QPCT: variants seen among roughly 807,000 people sequenced by gnomAD.
QPCT encodes the protein EC.
In QPCT, 44 loss-of-function variants were observed where a neutral mutation model predicts 43.4. That is an observed-to-expected ratio of 1.01 (90% confidence interval 0.80 to 1.30). The LOEUF is 1.30. Ranked by LOEUF, QPCT falls within the 50% of genes most tolerant of loss-of-function variation. The pLI is 0.00. For missense variants in QPCT, 526 were observed against 436.5 expected (o/e 1.21, Z -1.83); for synonymous variants, 168 against 168.4 (o/e 1.00, Z 0.02).
chr2:37,352,953 A>G lies in QPCT; in HGVS notation c.267+18A>G. Reference sequence around the variant, plus strand: ...CTCGTCAGGTGAGAACATGGGACACAAACCTCAAGCTTGTGTGAATACTGT... The same window carrying G: ...CTCGTCAGGTGAGAACATGGGACACGAACCTCAAGCTTGTGTGAATACTGT... On this transcript the variant is annotated intron_variant, in intron 2 of 6. Coordinates refer to ENST00000338415, the MANE Select transcript of QPCT (RefSeq NM_012413.4). The G allele has an allele frequency of 1.2e-6, 2 of 1,607,120 alleles. No homozygotes were observed. Among genetic ancestry groups the G allele is most frequent in the Non-Finnish European group, 1.7e-6 (2 of 1,174,678 alleles).
At position 37,369,636 on chromosome 2, in the gene QPCT, T is replaced by C. The variant is rs377112201; in HGVS notation, c.724-49T>C. ...GATTGTATTTCCCTGTTGATGAATA[T>C]AAAACACGTTTTGGTGATGGTGATT... On this transcript the variant is annotated intron_variant, in intron 4 of 6. Transcript: ENST00000338415. The C allele has an allele frequency of 4.3e-6, 6 of 1,383,354 alleles. No homozygotes were observed. In the African/African-American group the frequency reaches 7.1e-5, roughly 16 times the overall value. The allele number at this position is 1,383,354 out of a possible 1,614,324, so 85.7% of individuals were successfully genotyped here.
At chr2:37,358,121 A>AAAG (rs578177034) in intron 2 of QPCT, among the ~76,000 whole-genome samples, 12,493 of 150,702 alleles carry the variant, frequency 0.083, 1,522 homozygotes, top group African/African-American at 0.27. Context: ...AAAAAAAAAA[A>AAAG]AAAGAAACAG....
intron 2 of QPCT, 99 bp downstream of exon 2, chr2:37,353,034 A>C: frequency 7.4e-7 from 1 of 1,349,022 alleles, no homozygotes; most frequent in Non-Finnish European, 9.9e-7. Flanking sequence ...TAATATTCAG[A>C]TCTGTCATCT....
At chr2:37,364,065 GA>G (rs1357855623) in intron 3 of QPCT, among the ~76,000 whole-genome samples, 1 of 152,092 alleles carries the variant, frequency 6.6e-6, no homozygotes, top group African/African-American at 2.4e-5. Flanking sequence ...TTGGGAGCTA[GA>G]AAACAATGAA....
rs759201090 is a variant in QPCT, at chr2:37,367,359, C to G, written c.674C>G (p.Ser225Trp). 1 of 1,613,968 alleles carries G rather than the reference C, an allele frequency of 6.2e-7. No individual in the cohort carries two copies. The highest frequency in any genetic ancestry group is 1.7e-5 in the Admixed American group (1 of 60,012). The part of the protein sequence containing the change: ...GSRHLAAKMA[S>W]TPHPPGARGT... ...CGACACTTAGCTGCAAAGATGGCAT[C>G]GACCCCGCACCCACCTGGAGCGAGA... The change falls in exon 4 of 7, where the codon TCG becomes TGG. Residue 225 changes from serine (S) to tryptophan (W), a missense_variant. By Grantham distance (177) the Ser-to-Trp change is radical. Transcript: ENST00000338415.
chr2:37,372,639 C>T lies in QPCT; in HGVS notation c.941-43C>T, dbSNP rs72866722. The T allele has an allele frequency of 3.9e-3, 6,159 of 1,591,422 alleles. 228 individuals carry two copies. In the African/African-American group the frequency reaches 0.073, roughly 19 times the overall value. ...AGAATGACCCTTTCTAGTTTACTCA[C>T]TGGAGTAATGCACATTGTTACAAGT... On this transcript the variant is annotated intron_variant, in intron 6 of 6. Coordinates refer to ENST00000338415, the MANE Select transcript of QPCT (RefSeq NM_012413.4).
At chr2:37,358,438 C>CAACAAAACAAAACAAAACAAAACAA (rs143537953) in intron 2 of QPCT, among the ~76,000 whole-genome samples, 1 of 151,124 alleles carries the variant, frequency 6.6e-6, no homozygotes, top group African/African-American at 2.5e-5. Flanking sequence ...CCCTGTTAAA[C>CAACAAAACAAAACAAAACAAAACAA]AACAAAACAA....
At position 37,347,074 on chromosome 2, in the gene QPCT, A is replaced by C. The variant is rs2124929719; in HGVS notation, c.120+2223A>C. On this transcript the variant is annotated intron_variant, in intron 1 of 6. Coordinates refer to ENST00000338415, the MANE Select transcript of QPCT (RefSeq NM_012413.4). ...AATTTTTCCATAGTAACAATATTAT[A>C]AATTGTTAAACTCCCAGGTGGGCAC... Among the ~76,000 whole-genome samples the C allele has an allele frequency of 2.1e-5, 3 of 145,174 alleles. No individual in the cohort carries two copies. In the Middle Eastern group the frequency reaches 0.01, roughly 504 times the overall value.
At chr2:37,355,067 C>A (rs1008615336) in intron 2 of QPCT, among the ~76,000 whole-genome samples, 2 of 152,106 alleles carry the variant, frequency 1.3e-5, no homozygotes, top group Non-Finnish European at 2.9e-5. Flanking sequence ...TAACATTCTC[C>A]ACTATCATAT....
chr2:37,356,472 C>T (rs1672747742), intron 2 of QPCT, among the ~76,000 whole-genome samples: 1 of 152,184 alleles, frequency 6.6e-6, no homozygotes, highest in Non-Finnish European at 1.5e-5. Context: ...TTGGGGAAGG[C>T]AGCTGCTTTA....
chr2:37,344,990 C>A (rs992495414), intron 1 of QPCT, 139 bp downstream of exon 1: 1 of 1,301,166 alleles, frequency 7.7e-7, no homozygotes, highest in Non-Finnish European at 1.0e-6. Context: ...GCGCCCCACC[C>A]GGCGCCCGGA....
At chr2:37,362,583 G>A (rs374131158) in intron 3 of QPCT, among the ~76,000 whole-genome samples, 12 of 152,144 alleles carry the variant, frequency 7.9e-5, no homozygotes, top group South Asian at 4.1e-4. Context: ...TGAAATCACC[G>A]TTAAAACAAT....
chr2:37,351,946 C>A (rs1672631829), intron 1 of QPCT, among the ~76,000 whole-genome samples: 1 of 151,204 alleles, frequency 6.6e-6, no homozygotes, highest in Non-Finnish European at 1.5e-5. Context: ...GGGAGGATTG[C>A]TTGAGCCCGG....
chr2:37,354,628 A>G (rs1322729349), intron 2 of QPCT, among the ~76,000 whole-genome samples: 1 of 152,226 alleles, frequency 6.6e-6, no homozygotes, highest in Non-Finnish European at 1.5e-5. Flanking sequence ...AAATGTCTCC[A>G]GCTCTCGATC....
intron 3 of QPCT, among the ~76,000 whole-genome samples, chr2:37,363,004 T>C (rs1672882028): frequency 6.6e-6 from 1 of 151,966 alleles, no homozygotes; most frequent in Non-Finnish European, 1.5e-5. Context: ...TACAGGAGGG[T>C]GACAGTGGGG....
chr2:37,360,030 G>A (rs1672831312), intron 3 of QPCT, 172 bp downstream of exon 3: 30 of 710,398 alleles, frequency 4.2e-5, no homozygotes, highest in Non-Finnish European at 9.1e-6. Context: ...TCAACCATGG[G>A]CAATAAACCT....
intron 5 of QPCT, among the ~76,000 whole-genome samples, chr2:37,370,642 A>T (rs1673054311): frequency 6.6e-6 from 1 of 152,184 alleles, no homozygotes. Flanking sequence ...AGAGATCAGG[A>T]TAAAGAGAAA....
chr2:37,372,330 A>G (rs1427358751), intron 5 of QPCT, 26 bp from the exon 6 acceptor site: 1 of 1,472,694 alleles, frequency 6.8e-7, no homozygotes, highest in Non-Finnish European at 9.5e-7. Context: ...ATAGTTGTTC[A>G]TTTACTGTAT....
intron 1 of QPCT, 29 bp from the exon 2 acceptor site, chr2:37,352,760 C>A (rs1672648907): frequency 1.2e-6 from 2 of 1,607,060 alleles, no homozygotes; most frequent in Non-Finnish European, 1.7e-6. Context: ...GAAAGGATAG[C>A]TAGTTAAATG....
Sources: allele counts gnomAD v4.1 joint callset (sites outside exome capture counted in the v4.1 genomes callset), GRCh38; gene constraint gnomAD v4.1.1; transcripts MANE v1.5; gene names NCBI Gene and HGNC (gene_info 2026-07-23, HGNC 2026-07-21).